CACNA2D3: variants seen among roughly 807,000 people sequenced by gnomAD.
The protein encoded by CACNA2D3 is calcium voltage-gated channel auxiliary subunit alpha2delta 3.
Under a neutral mutation model 160.6 loss-of-function variants are expected in CACNA2D3, and 60 were observed. That is an observed-to-expected ratio of 0.37 (90% CI 0.30 to 0.46). CACNA2D3 has a LOEUF of 0.46. Ranked by LOEUF, CACNA2D3 falls within the 20% of genes least tolerant of loss-of-function variation. The pLI, the probability that CACNA2D3 is intolerant of heterozygous loss-of-function variation, is 1.00. For synonymous variants in CACNA2D3, 558 were observed against 492.9 expected, an observed-to-expected ratio of 1.13 and a Z score of -1.75; for missense variants, 1,205 against 1,365.0, an observed-to-expected ratio of 0.88 and a Z score of 1.85.
At chr3:54,270,352 GTTGCAGGAA>G (rs983454838) in intron 2 of CACNA2D3, among the ~76,000 whole-genome samples, 20 of 152,328 alleles carry the variant, frequency 1.3e-4, no homozygotes, top group African/African-American at 4.6e-4. Context: ...TATAGCGAGT[GTTGCAGGAA>G]TTAATCGACC....
At chr3:54,677,065 G>T (rs1700256309) in intron 11 of CACNA2D3, among the ~76,000 whole-genome samples, 1 of 152,172 alleles carries the variant, frequency 6.6e-6, no homozygotes, top group East Asian at 1.9e-4. Flanking sequence ...ACGTGCCCTT[G>T]AGCACAATCT....
intron 3 of CACNA2D3, chr3:54,386,137 A>T (rs183705492): frequency 2.8e-6 from 1 of 351,486 alleles, no homozygotes; most frequent in Non-Finnish European, 5.5e-6. Flanking sequence ...CCTGAGTATT[A>T]GTTTAATTTA....
intron 2 of CACNA2D3, among the ~76,000 whole-genome samples, chr3:54,140,702 AC>A (rs1699908389): frequency 6.6e-6 from 1 of 152,120 alleles, no homozygotes; most frequent in Non-Finnish European, 1.5e-5. Context: ...TGGGTTGCAC[AC>A]CCACCCTCTG....
At chr3:54,785,156 C>T (rs1019667923) in intron 13 of CACNA2D3, among the ~76,000 whole-genome samples, 1 of 152,248 alleles carries the variant, frequency 6.6e-6, no homozygotes, top group Non-Finnish European at 1.5e-5. Context: ...GGATAAGTTA[C>T]TGCTAGTCCC....
At chr3:54,706,748 G>A (rs557376850) in intron 11 of CACNA2D3, among the ~76,000 whole-genome samples, 83 of 152,296 alleles carry the variant, frequency 5.4e-4, no homozygotes, top group African/African-American at 1.8e-3. Flanking sequence ...GGGAGGCTGC[G>A]TGATAACATT....
At chr3:54,814,986 A>G (rs1703414796) in intron 13 of CACNA2D3, among the ~76,000 whole-genome samples, 2 of 152,254 alleles carry the variant, frequency 1.3e-5, no homozygotes, top group Admixed American at 1.3e-4. Context: ...TTTCCTAAGA[A>G]AATATACATT....
chr3:54,803,054 A>G (rs1317003799), intron 13 of CACNA2D3, among the ~76,000 whole-genome samples: 1 of 152,226 alleles, frequency 6.6e-6, no homozygotes, highest in Non-Finnish European at 1.5e-5. Flanking sequence ...CCAAAAACCC[A>G]TCTGTACGTC....
rs72976251 is a variant in CACNA2D3 at position 54,228,561 on chromosome 3, T to C, written c.205-91881T>C. Among the ~76,000 whole-genome samples the C allele has an allele frequency of 4.1e-3, 629 of 152,336 alleles. 8 individuals are homozygous for C. Among genetic ancestry groups the C allele is most frequent in the African/African-American group, 0.013 (551 of 41,580 alleles). ...TCTAGCAGTCATCTCTTTAGCAACT[T>C]CATGGGGATTCTAGTCTTTTATTTC... On this transcript the variant is annotated intron_variant, in intron 2 of 37. Coordinates refer to ENST00000474759, the MANE Select transcript of CACNA2D3 (RefSeq NM_018398.3).
intron 29 of CACNA2D3, among the ~76,000 whole-genome samples, chr3:54,983,546 G>C (rs535978641): frequency 6.6e-6 from 1 of 152,296 alleles, no homozygotes; most frequent in African/African-American, 2.4e-5. Flanking sequence ...GAGAAGCTCT[G>C]CTGTTCACCA....
At chr3:54,734,539 A>T (rs1051380658) in intron 11 of CACNA2D3, among the ~76,000 whole-genome samples, 3 of 152,366 alleles carry the variant, frequency 2.0e-5, no homozygotes, top group Non-Finnish European at 2.9e-5. Context: ...ACTCTAAGGC[A>T]TGCATCCCTC....
chr3:54,804,589 C>G (rs1276482794), intron 13 of CACNA2D3, among the ~76,000 whole-genome samples: 3 of 152,182 alleles, frequency 2.0e-5, no homozygotes, highest in South Asian at 2.1e-4. Flanking sequence ...TAGACTCCCA[C>G]ACAATAATAA....
At chr3:54,322,590 G>T (rs1294530218) in intron 3 of CACNA2D3, among the ~76,000 whole-genome samples, 2 of 152,202 alleles carry the variant, frequency 1.3e-5, no homozygotes, top group Non-Finnish European at 2.9e-5. Context: ...CAGTACCTCT[G>T]TATCTGTGTA....
chr3:54,907,965 A>G (rs889955158), intron 27 of CACNA2D3, among the ~76,000 whole-genome samples: 2 of 152,226 alleles, frequency 1.3e-5, no homozygotes, highest in East Asian at 3.8e-4. Flanking sequence ...TAGCACATCC[A>G]TTCATAAGTT....
chr3:54,956,094 A>G (rs1212443551), intron 27 of CACNA2D3, among the ~76,000 whole-genome samples: 2 of 151,962 alleles, frequency 1.3e-5, no homozygotes, highest in Non-Finnish European at 2.9e-5. Flanking sequence ...CCTCCTCATA[A>G]TCACCTCATG....
At chr3:54,618,583 C>T (rs1422930580) in intron 9 of CACNA2D3, among the ~76,000 whole-genome samples, 1 of 152,066 alleles carries the variant, frequency 6.6e-6, no homozygotes, top group African/African-American at 2.4e-5. Context: ...TCCAAGTGTT[C>T]ATACAGAAAA....
At chr3:54,475,620 G>A (rs1334950711) in intron 4 of CACNA2D3, among the ~76,000 whole-genome samples, 1 of 152,026 alleles carries the variant, frequency 6.6e-6, no homozygotes, top group Non-Finnish European at 1.5e-5. Flanking sequence ...TGCCTATAAT[G>A]CTGTCTACAA....
In CACNA2D3 at chr3:54,543,757, G is replaced by A. The variant is rs575240065; in HGVS notation, c.545-19043G>A. 5.9e-5 allele frequency among the ~76,000 whole-genome samples: 9 copies of A among 152,228 alleles called. No homozygotes were observed. The East Asian group carries it at 1.7e-3, about 29-fold the overall frequency. On this transcript the variant is annotated intron_variant, in intron 5 of 37. Transcript: ENST00000474759. ...ACTCTTGCATTTTCTTTATCAAAAGGTCTTTCTTGTCTTTCTCTTTGGCAC... is the reference window on the plus strand; with the variant it reads ...ACTCTTGCATTTTCTTTATCAAAAGATCTTTCTTGTCTTTCTCTTTGGCAC...
intron 11 of CACNA2D3, among the ~76,000 whole-genome samples, chr3:54,682,761 T>G (rs1700378812): frequency 6.6e-6 from 1 of 152,176 alleles, no homozygotes; most frequent in Non-Finnish European, 1.5e-5. Flanking sequence ...GATTAAAATC[T>G]AATCTTCCCA....
chr3:54,380,062 G>A (rs1023000161), intron 3 of CACNA2D3, among the ~76,000 whole-genome samples: 1 of 152,182 alleles, frequency 6.6e-6, no homozygotes, highest in Non-Finnish European at 1.5e-5. Context: ...CTCAACACCA[G>A]AAGGAATGAA....
Sources: gnomAD v4.1 joint callset for allele counts (sites outside exome capture counted in the v4.1 genomes callset) on GRCh38, gnomAD v4.1.1 for gene constraint, MANE v1.5 for transcripts, NCBI Gene and HGNC (gene_info 2026-07-23, HGNC 2026-07-21) for gene names.